NXPE2: variants seen among roughly 807,000 people sequenced by gnomAD.
NXPE2 encodes neurexophilin and PC-esterase domain family member 2, also known as NXPE family member 2.
NXPE2 carries 34 observed loss-of-function variants against 34.4 expected under a neutral mutation model. The observed-to-expected ratio is 0.99, with a 90% CI of 0.75 to 1.31. NXPE2 has a LOEUF of 1.31. Ranked by LOEUF, NXPE2 falls within the 40% of genes most tolerant of loss-of-function variation. The pLI, the probability that NXPE2 is intolerant of heterozygous loss-of-function variation, is 0.00. For missense variants in NXPE2, 649 were observed against 672.5 expected (o/e 0.97, Z 0.39); for synonymous variants, 235 against 231.3 (o/e 1.02, Z -0.15).
chr11:114,512,105 G>A, the NXPE2 span, among the ~76,000 whole-genome samples: 6 of 152,112 alleles, frequency 3.9e-5, no homozygotes, highest in African/African-American at 1.4e-4. Context: ...GATTTTTTTG[G>A]TATAGTTGAT....
intron 2 of NXPE2, among the ~76,000 whole-genome samples, chr11:114,692,391 C>T (rs1401316935): frequency 6.6e-6 from 1 of 152,174 alleles, no homozygotes; most frequent in African/African-American, 2.4e-5. Context: ...TGGAACTGTG[C>T]AGCAGCTACA....
At chr11:114,536,052 T>C in the NXPE2 span, among the ~76,000 whole-genome samples, 2 of 152,110 alleles carry the variant, frequency 1.3e-5, no homozygotes, top group Non-Finnish European at 2.9e-5. Flanking sequence ...CCTCAGCAAA[T>C]GTAAAAGAAC....
chr11:114,752,200 G>A, the NXPE2 span, among the ~76,000 whole-genome samples: 16 of 152,328 alleles, frequency 1.1e-4, no homozygotes, highest in East Asian at 2.5e-3. Flanking sequence ...CAAATATGAA[G>A]CCCCTGAGAC....
the NXPE2 span, among the ~76,000 whole-genome samples, chr11:114,768,289 T>C: frequency 8.5e-5 from 13 of 152,300 alleles, no homozygotes; most frequent in African/African-American, 3.1e-4. Context: ...TTGGTACCAG[T>C]ACCATGCTGT....
the NXPE2 span, among the ~76,000 whole-genome samples, chr11:114,640,165 T>A: frequency 4.4e-3 from 264 of 59,782 alleles, 3 homozygotes; most frequent in East Asian, 0.022. Flanking sequence ...TAATAATATA[T>A]ATAAATAATT....
the NXPE2 span, among the ~76,000 whole-genome samples, chr11:114,628,796 G>C: frequency 4.6e-5 from 7 of 151,944 alleles, no homozygotes; most frequent in African/African-American, 1.4e-4. Context: ...ATGAAAAAAA[G>C]AGAGAAGAAT....
At chr11:114,703,732 GAT>G (rs1951416715) in intron 3 of NXPE2, among the ~76,000 whole-genome samples, 3 of 151,872 alleles carry the variant, frequency 2.0e-5, no homozygotes, top group Non-Finnish European at 4.4e-5. Context: ...CAGACAGATA[GAT>G]AGATAGATGT....
the NXPE2 span, among the ~76,000 whole-genome samples, chr11:114,490,909 T>A: frequency 4.6e-5 from 7 of 151,950 alleles, no homozygotes; most frequent in African/African-American, 1.7e-4. Flanking sequence ...ACGCCTGTAA[T>A]CCCAGCACTT....
intron 2 of NXPE2, among the ~76,000 whole-genome samples, chr11:114,697,814 A>G (rs1248673118): frequency 6.6e-6 from 1 of 152,228 alleles, no homozygotes; most frequent in Non-Finnish European, 1.5e-5. Context: ...GATTGTATCT[A>G]GTTAATTTTT....
At chr11:114,747,675 C>T in the NXPE2 span, among the ~76,000 whole-genome samples, 1 of 152,108 alleles carries the variant, frequency 6.6e-6, no homozygotes, top group Non-Finnish European at 1.5e-5. Context: ...CCCATGAAAA[C>T]TCATTCACTA....
chr11:114,635,373 A>G, the NXPE2 span, among the ~76,000 whole-genome samples: 3 of 150,396 alleles, frequency 2.0e-5, no homozygotes, highest in Admixed American at 6.7e-5. Context: ...GGCTGAGACA[A>G]TGGGGTTTTC....
chr11:114,679,515 A>G (rs1950912422), intron 1 of NXPE2, 142 bp from the exon 2 acceptor site: 5 of 507,980 alleles, frequency 9.8e-6, no homozygotes, highest in Admixed American at 3.3e-5. Flanking sequence ...TCTGATTGAC[A>G]ATAGAAGATA....
chr11:114,475,907 C>T, the NXPE2 span, among the ~76,000 whole-genome samples: 5 of 152,194 alleles, frequency 3.3e-5, no homozygotes, highest in African/African-American at 9.6e-5. Flanking sequence ...CTGAATAACA[C>T]ACACACACAG....
At chr11:114,512,341 C>T in the NXPE2 span, among the ~76,000 whole-genome samples, 1 of 152,148 alleles carries the variant, frequency 6.6e-6, no homozygotes, top group Non-Finnish European at 1.5e-5. Flanking sequence ...TAATTCCCAG[C>T]CATGTTGTCT....
the NXPE2 span, among the ~76,000 whole-genome samples, chr11:114,671,860 A>G: frequency 1.3e-5 from 2 of 152,016 alleles, no homozygotes; most frequent in African/African-American, 4.8e-5. Context: ...AGACACACAC[A>G]CTATATTAGT....
the NXPE2 span, among the ~76,000 whole-genome samples, chr11:114,534,001 T>A: frequency 6.6e-6 from 1 of 152,342 alleles, no homozygotes; most frequent in East Asian, 1.9e-4. Context: ...AGTGGGTCCC[T>A]GACCCCCAAG....
the NXPE2 span, among the ~76,000 whole-genome samples, chr11:114,811,014 G>C: frequency 3.3e-5 from 5 of 152,112 alleles, no homozygotes; most frequent in African/African-American, 9.7e-5. Context: ...CATAAAAAAT[G>C]ATGAGTTCAT....
the NXPE2 span, among the ~76,000 whole-genome samples, chr11:114,544,964 ACACT>A: frequency 2.0e-5 from 3 of 152,196 alleles, no homozygotes; most frequent in Non-Finnish European, 1.5e-5. Context: ...TATAAAAAAG[ACACT>A]CAATTTTATT....
At chr11:114,604,849 C>T in the NXPE2 span, among the ~76,000 whole-genome samples, 4 of 151,934 alleles carry the variant, frequency 2.6e-5, no homozygotes, top group Admixed American at 1.3e-4. Context: ...TGTGGGTATC[C>T]ACTGTTACCT....
Sources: gnomAD v4.1 joint callset for allele counts (sites outside exome capture counted in the v4.1 genomes callset) on GRCh38, gnomAD v4.1.1 for gene constraint, MANE v1.5 for transcripts, NCBI Gene and HGNC (gene_info 2026-07-23, HGNC 2026-07-21) for gene names.